The following POLR2F variants were observed in gnomAD, a reference collection of about 807,000 sequenced individuals.
POLR2F encodes the protein DNA-directed RNA polymerases I, II, and III subunit RPABC2.
In POLR2F, 12 loss-of-function variants were observed where a neutral mutation model predicts 22.7. That is an observed-to-expected ratio of 0.53 (90% CI 0.34 to 0.86). The LOEUF is 0.86. Among genes scored for constraint, POLR2F ranks in the 40% least tolerant of loss-of-function variants. The pLI is 0.02. For missense variants in POLR2F, 126 were observed against 171.5 expected (o/e 0.73, Z 1.48); for synonymous variants, 57 against 66.0 (o/e 0.86, Z 0.66).
intron 5 of POLR2F, among the ~76,000 whole-genome samples, chr22:38,033,807 G>A (rs2085088977): frequency 1.3e-5 from 2 of 152,160 alleles, no homozygotes; most frequent in South Asian, 2.1e-4. Context: ...ACTGACTGAC[G>A]ACAGTGCCCG....
At chr22:37,993,125 G>A (rs1379104670) in intron 1 of POLR2F, among the ~76,000 whole-genome samples, 1 of 152,206 alleles carries the variant, frequency 6.6e-6, no homozygotes, top group African/African-American at 2.4e-5. Context: ...GTCCATTGGT[G>A]TTGTCCCTGG....
intron 1 of POLR2F, among the ~76,000 whole-genome samples, chr22:38,009,434 G>T (rs1445668116): frequency 6.6e-6 from 1 of 152,262 alleles, no homozygotes; most frequent in Non-Finnish European, 1.5e-5. Context: ...GCAGGCCACA[G>T]TGGCAGTGGT....
downstream of POLR2F, among the ~76,000 whole-genome samples, chr22:38,027,776 C>T (rs1014255798): frequency 6.6e-6 from 1 of 152,054 alleles, no homozygotes; most frequent in Admixed American, 6.5e-5. Flanking sequence ...CGGTGTCTTC[C>T]CCAGCACCCA....
chr22:37,963,193 G>A (rs1397951723), intron 3 of POLR2F, among the ~76,000 whole-genome samples: 2 of 151,848 alleles, frequency 1.3e-5, no homozygotes, highest in African/African-American at 4.8e-5. Flanking sequence ...CACCATGTTC[G>A]TTGGCCAGGC....
chr22:37,983,265 C>G, upstream of POLR2F: 2 of 1,406,296 alleles, frequency 1.4e-6, no homozygotes, highest in African/African-American at 1.4e-5. The surrounding 1 kb of genome is among the most constrained non-coding windows in gnomAD (Gnocchi z 9.5). Flanking sequence ...CAGACAGTCC[C>G]GCTCTGAGGT....
chr22:38,001,797 T>G (rs1202795996), intron 1 of POLR2F, among the ~76,000 whole-genome samples: 1 of 151,994 alleles, frequency 6.6e-6, no homozygotes, highest in East Asian at 1.9e-4. Flanking sequence ...CCTTTCCAAG[T>G]GCTGGGATTA....
chr22:37,987,187 T>C (rs1932607406), intron 1 of POLR2F: 1 of 456,450 alleles, frequency 2.2e-6, no homozygotes, highest in Non-Finnish European at 4.4e-6. Context: ...GGGTCTGCGG[T>C]CTGAGTGTAA....
chr22:37,963,464 A>T (rs1341047726), intron 3 of POLR2F, among the ~76,000 whole-genome samples: 5 of 152,058 alleles, frequency 3.3e-5, no homozygotes, highest in African/African-American at 4.8e-5. Context: ...TAATGTCTTA[A>T]TTTTTTGTAG....
In POLR2F at chr22:38,025,939, G is replaced by T; in HGVS notation, c.193G>T (p.Glu65Ter). 3.0e-6 allele frequency: 2 copies of T among 671,942 alleles called. No homozygotes were observed. The highest frequency in any genetic ancestry group is 5.7e-6 in the Non-Finnish European group (2 of 352,078). The allele number at this position is 671,942 out of a possible 1,614,324, so 41.6% of individuals were successfully genotyped here. A position where few individuals can be genotyped will look rare whatever the true frequency, so the allele number is the denominator to read the frequency against. The change falls in exon 2 of 3, where the codon GAA (glutamate) becomes TAA (stop). Residue 65 changes from glutamate to a stop codon, truncating the protein, a stop_gained. Coordinates refer to the POLR2F transcript ENST00000333418. LOFTEE classifies it high-confidence loss of function. ...CTCAGGAGCGCTCAACAGATGCTCTGAAATCAATGACTCTGAATCTAGAAG... is the reference window on the plus strand; with the variant it reads ...CTCAGGAGCGCTCAACAGATGCTCTTAAATCAATGACTCTGAATCTAGAAG...
downstream of POLR2F, chr22:37,969,320 TTC>T (rs1476895121): frequency 1.1e-4 from 108 of 985,270 alleles, no homozygotes; most frequent in Non-Finnish European, 1.3e-4. Flanking sequence ...CCACTATTGG[TTC>T]TGTTTTCTTA....
downstream of POLR2F, chr22:37,974,198 C>T (rs755382059): frequency 1.9e-6 from 3 of 1,600,676 alleles, no homozygotes; most frequent in Non-Finnish European, 2.5e-6. The surrounding 1 kb of genome is among the most constrained non-coding windows in gnomAD (Gnocchi z 5.4). Flanking sequence ...ATGGCTCTGG[C>T]CTGGGTAGAA....
At chr22:37,953,852 G>T in intron 1 of POLR2F, 45 bp downstream of exon 1, 1 of 1,597,446 alleles carries the variant, frequency 6.3e-7, no homozygotes, top group Non-Finnish European at 8.5e-7. Context: ...CTTGGAAGGG[G>T]CGGATGAGGC....
upstream of POLR2F, chr22:37,985,961 C>A: frequency 1.1e-6 from 1 of 905,172 alleles, no homozygotes; most frequent in Non-Finnish European, 1.6e-6. Context: ...GCTTGCTGGC[C>A]TTGGACAATC....
At position 37,986,683 on chromosome 22, in the gene POLR2F, G is replaced by A. The variant is rs977851076; in HGVS notation, c.120+371G>A. ...CTGGGCTTTTTGCTGAGCAGTGTTG[G>A]GTGAGGCAGGTGGGCCTGCAGGGCG... On this transcript the variant is annotated intron_variant, in intron 1 of 2. Transcript: ENST00000333418. This position sits in a 1 kb window ranked among gnomAD's most constrained non-coding sequence, Gnocchi z 4.7. The A allele has an allele frequency of 1.1e-5, 6 of 546,454 alleles. No homozygotes were observed. Among genetic ancestry groups the A allele is most frequent in the Non-Finnish European group, 1.4e-5 (4 of 286,154 alleles). The allele number at this position is 546,454 out of a possible 1,614,324, so 33.9% of individuals were successfully genotyped here.
At chr22:38,038,602 G>C (rs918129122) in intron 5 of POLR2F, among the ~76,000 whole-genome samples, 1 of 152,120 alleles carries the variant, frequency 6.6e-6, no homozygotes, top group Non-Finnish European at 1.5e-5. Flanking sequence ...ATCTCTCCCT[G>C]TCTCTCTCTG....
chr22:37,983,232 C>T, upstream of POLR2F: 1 of 1,178,562 alleles, frequency 8.5e-7, no homozygotes, highest in Non-Finnish European at 1.2e-6. This position sits in a 1 kb window ranked among gnomAD's most constrained non-coding sequence, Gnocchi z 9.5. Context: ...CCTGGTCTTC[C>T]AGCCCTATCC....
intron 1 of POLR2F, among the ~76,000 whole-genome samples, chr22:37,998,273 C>G (rs781515308): frequency 6.6e-6 from 1 of 152,242 alleles, no homozygotes; most frequent in Non-Finnish European, 1.5e-5. Flanking sequence ...TCCTCAGAGA[C>G]CTGCCCTGAC....
At chr22:38,000,999 C>T (rs2084763979) in intron 1 of POLR2F, among the ~76,000 whole-genome samples, 2 of 152,140 alleles carry the variant, frequency 1.3e-5, no homozygotes, top group Admixed American at 1.3e-4. Flanking sequence ...GAGATGACAT[C>T]TGCGTCTTGC....
At chr22:37,956,066 T>A (rs535818010) in intron 1 of POLR2F, among the ~76,000 whole-genome samples, 7 of 151,896 alleles carry the variant, frequency 4.6e-5, no homozygotes, top group African/African-American at 1.7e-4. Context: ...TTGATTTTTT[T>A]TTTGTTTGTT....
Sources: gnomAD v4.1 joint callset for allele counts (sites outside exome capture counted in the v4.1 genomes callset) on GRCh38, gnomAD v4.1.1 for gene constraint, Gnocchi (gnomAD v3.1) non-coding constraint, MANE v1.5 for transcripts, NCBI Gene and HGNC (gene_info 2026-07-23, HGNC 2026-07-21) for gene names.